PFKM: variants seen among roughly 807,000 people sequenced by gnomAD.
The protein encoded by PFKM is ATP-dependent 6-phosphofructokinase, muscle type.
Under a neutral mutation model 95.5 loss-of-function variants are expected in PFKM, and 58 were observed. That is an observed-to-expected ratio of 0.61 (90% CI 0.49 to 0.76). PFKM has a LOEUF of 0.76. Ranked by LOEUF, PFKM falls within the 30% of genes least tolerant of loss-of-function variation. The pLI, the probability that PFKM is intolerant of heterozygous loss-of-function variation, is 0.00. For missense variants in PFKM, 678 were observed against 1,005.4 expected (o/e 0.67, Z 4.40); for synonymous variants, 336 against 357.2 (o/e 0.94, Z 0.67).
chr12:48,139,845 A>G lies in PFKM; in HGVS notation c.1128-4A>G, dbSNP rs570665595. ...ACACCTCTCTCTATTTGTACTTCCT[A>G]CAGGAGCTTCATGAACAACTGGGAG... On this transcript the variant is annotated splice_region_variant and splice_polypyrimidine_tract_variant and intron_variant, in intron 12 of 22. Coordinates refer to ENST00000359794, the MANE Select transcript of PFKM (RefSeq NM_000289.6). 6.2e-6 allele frequency: 10 copies of G among 1,601,824 alleles called. No homozygotes were observed. In the African/African-American group the frequency reaches 1.1e-4, roughly 17 times the overall value.
In PFKM at chr12:48,133,487, G is replaced by A; in HGVS notation, c.593+7G>A. 1.2e-6 allele frequency: 2 copies of A among 1,612,738 alleles called. No individual in the cohort carries two copies. The highest frequency in any genetic ancestry group is 8.5e-7 in the Non-Finnish European group (1 of 1,178,712). ...TCACTACCACTGCCCAGAGGTAAGG[G>A]GACTTGGGAGGTAGGCAGTGTAAGA... On this transcript the variant is annotated splice_region_variant and intron_variant, in intron 6 of 22. Transcript: ENST00000359794.
At chr12:48,133,516 T>C in intron 6 of PFKM, 36 bp downstream of exon 6, 3 of 1,592,206 alleles carry the variant, frequency 1.9e-6, no homozygotes, top group Middle Eastern at 1.7e-4. Flanking sequence ...TGTAAGAAGA[T>C]GGCAGCTAGG....
intron 3 of PFKM, chr12:48,108,237 T>C (rs760958605): frequency 6.3e-7 from 1 of 1,577,584 alleles, no homozygotes; most frequent in South Asian, 1.1e-5. Context: ...CAAAGGAATA[T>C]GGGAAAGTGA....
At chr12:48,140,910 G>T in intron 14 of PFKM, 39 bp downstream of exon 14, 1 of 1,609,104 alleles carries the variant, frequency 6.2e-7, no homozygotes, top group Non-Finnish European at 8.5e-7. Context: ...CAGTCATGGG[G>T]AAGATAAGTG....
rs368713877 is a variant in PFKM at position 48,121,122 on chromosome 12, A to G, written c.-8-1645A>G. Among the ~76,000 whole-genome samples, 15 of 152,344 alleles carry G rather than the reference A, an allele frequency of 9.8e-5. No homozygotes were observed. The East Asian group carries it at 1.5e-3, about 16-fold the overall frequency. On this transcript the variant is annotated intron_variant, in intron 1 of 22. Coordinates refer to ENST00000359794, the MANE Select transcript of PFKM (RefSeq NM_000289.6). Reference sequence around the variant, plus strand: ...GACAACATGTGGTTAGAGGAAGTCCAAAAGAAGGTTTCCTTGACCTGTGGT... The same window carrying G: ...GACAACATGTGGTTAGAGGAAGTCCGAAAGAAGGTTTCCTTGACCTGTGGT...
At chr12:48,137,453 C>T (rs895963366) in intron 10 of PFKM, 1 of 523,960 alleles carries the variant, frequency 1.9e-6, no homozygotes, top group Non-Finnish European at 3.4e-6. Flanking sequence ...TATTATTAAG[C>T]CCCAGTAATC....
At chr12:48,129,284 C>T (rs1420092074) in intron 2 of PFKM, among the ~76,000 whole-genome samples, 1 of 122,712 alleles carries the variant, frequency 8.1e-6, no homozygotes, top group African/African-American at 3.1e-5. Context: ...TGGTCTCAAA[C>T]TCCTAGGCTC....
intron 2 of PFKM, among the ~76,000 whole-genome samples, chr12:48,123,804 T>C (rs1366725796): frequency 6.6e-6 from 1 of 152,202 alleles, no homozygotes; most frequent in Non-Finnish European, 1.5e-5. Context: ...CTAGAATTCT[T>C]ACATAAGGCA....
upstream of PFKM, among the ~76,000 whole-genome samples, chr12:48,117,614 C>T (rs1269339346): frequency 2.6e-5 from 4 of 152,150 alleles, no homozygotes; most frequent in Admixed American, 6.5e-5. Flanking sequence ...TTATTTGCCA[C>T]CTGTATATCT....
At position 48,143,798 on chromosome 12, in the gene PFKM, A is replaced by G; in HGVS notation, c.1864A>G (p.Arg622Gly). The change falls in exon 19 of 23, where the codon AGG becomes GGG. Residue 622 changes from arginine (R) to glycine (G), a missense_variant. Arg to Gly is a moderately radical substitution (Grantham distance 125). Coordinates refer to ENST00000359794, the MANE Select transcript of PFKM (RefSeq NM_000289.6). ...LVQKMKTTVK[R>G]GLVLRNEKCN... ...GCAAAAGATGAAAACAACTGTGAAA[A>G]GGGGCTTGGTGTTAAGGTACCTCAT... The G allele has an allele frequency of 6.2e-7, 1 of 1,612,658 alleles. No homozygotes were observed. The highest frequency in any genetic ancestry group is 8.5e-7 in the Non-Finnish European group (1 of 1,178,580).
At chr12:48,116,505 A>T (rs1337336282), upstream of PFKM, among the ~76,000 whole-genome samples, 1 of 152,068 alleles carries the variant, frequency 6.6e-6, no homozygotes, top group Non-Finnish European at 1.5e-5. Context: ...TTGAGACAGG[A>T]TCTCACTCTG....
intron 10 of PFKM, among the ~76,000 whole-genome samples, chr12:48,136,234 T>C (rs2135937719): frequency 6.6e-6 from 1 of 152,304 alleles, no homozygotes; most frequent in South Asian, 2.1e-4. Context: ...TGTCTCTTTG[T>C]CTGTAATTTT....
chr12:48,112,493 T>G (rs1947283351), intron 3 of PFKM, among the ~76,000 whole-genome samples: 2 of 152,196 alleles, frequency 1.3e-5, no homozygotes, highest in South Asian at 4.1e-4. Context: ...TGAAGCCTTG[T>G]GGCAGTACAG....
Position 48,135,296 on chromosome 12 carries a change from G to A in PFKM, c.849G>A (p.Val283=). ...PITSEDIKNL[V]VKRLGYDTRV... ...CCCTCTGTTGGTCCCTTCAGCTGGT[G>A]GTTAAGCGTCTGGGATATGACACCC... Residue 283 remains valine (V), a synonymous_variant, in exon 10 of 23, where the codon GTG becomes GTA. Transcript: ENST00000359794. The A allele has an allele frequency of 6.2e-7, 1 of 1,613,642 alleles. No individual in the cohort carries two copies. Among genetic ancestry groups the A allele is most frequent in the Non-Finnish European group, 8.5e-7 (1 of 1,179,558 alleles).
At position 48,135,303 on chromosome 12, in the gene PFKM, C is replaced by A; in HGVS notation, c.856C>A (p.Arg286Ser). 1 of 1,613,782 alleles carries A rather than the reference C, an allele frequency of 6.2e-7. No individual in the cohort carries two copies. The highest frequency in any genetic ancestry group is 8.5e-7 in the Non-Finnish European group (1 of 1,179,704). ...SEDIKNLVVK[R>S]LGYDTRVTVL... ...TTGGTCCCTTCAGCTGGTGGTTAAG[C>A]GTCTGGGATATGACACCCGGGTTAC... is the stretch of plus-strand genomic sequence containing the variant. The change falls in exon 10 of 23, where the codon CGT becomes AGT. Residue 286 changes from arginine (R) to serine (S), a missense_variant. Arg to Ser is a moderately radical substitution (Grantham distance 110, BLOSUM62 -1). Coordinates refer to ENST00000359794, the MANE Select transcript of PFKM (RefSeq NM_000289.6).
At chr12:48,112,409 A>T (rs1164721904) in intron 3 of PFKM, among the ~76,000 whole-genome samples, 1 of 151,458 alleles carries the variant, frequency 6.6e-6, no homozygotes, top group Non-Finnish European at 1.5e-5. Context: ...GTGTGTTTTC[A>T]TGAAGAATTA....
upstream of PFKM, chr12:48,105,524 C>CCACA (rs1946465664): frequency 9.6e-6 from 5 of 518,192 alleles, no homozygotes; most frequent in Middle Eastern, 3.2e-4. Flanking sequence ...CAGGGAGATA[C>CCACA]CACAGAGTAG....
intron 3 of PFKM, among the ~76,000 whole-genome samples, chr12:48,109,549 T>C (rs758706830): frequency 2.0e-5 from 3 of 152,200 alleles, no homozygotes; most frequent in Non-Finnish European, 4.4e-5. Context: ...GCTTTTTTCA[T>C]TCTCCTTTTG....
intron 6 of PFKM, 112 bp from the exon 7 acceptor site, chr12:48,134,120 G>T: frequency 2.3e-6 from 2 of 869,684 alleles, no homozygotes; most frequent in Non-Finnish European, 4.0e-6. Flanking sequence ...CTGCTAGAAG[G>T]CCTGGCAGCA....
Sources: gnomAD v4.1 joint callset for allele counts (sites outside exome capture counted in the v4.1 genomes callset) on GRCh38, gnomAD v4.1.1 for gene constraint, MANE v1.5 for transcripts, NCBI Gene and HGNC (gene_info 2026-07-23, HGNC 2026-07-21) for gene names.